Variants in IP6K1 observed in about 807,000 individuals in gnomAD.
IP6K1 encodes the protein ATP:1D-myo-inositol-hexakisphosphate phosphotransferase.
A neutral mutation model predicts 38.3 loss-of-function variants in IP6K1; 13 were observed. That is an observed-to-expected ratio of 0.34 (90% CI 0.22 to 0.54). The LOEUF is 0.54. IP6K1 is among the 20% of genes least tolerant of loss of function. The pLI, the probability that IP6K1 is intolerant of heterozygous loss-of-function variation, is 0.92. For missense variants in IP6K1, 397 were observed against 599.8 expected (o/e 0.66, Z 3.53); for synonymous variants, 212 against 229.9 (o/e 0.92, Z 0.70).
chr3:49,732,184 C>A (rs2080568392), intron 4 of IP6K1, among the ~76,000 whole-genome samples: 1 of 152,112 alleles, frequency 6.6e-6, no homozygotes, highest in Non-Finnish European at 1.5e-5. Context: ...CCTGCCTCAG[C>A]CTCCCAAAGT....
intron 1 of IP6K1, among the ~76,000 whole-genome samples, chr3:49,757,786 T>G (rs1026335534): frequency 1.3e-5 from 2 of 152,144 alleles, no homozygotes; most frequent in African/African-American, 4.8e-5. Context: ...AAAGCTCTTG[T>G]CACTCACGCT....
chr3:49,766,145 C>T (rs2080909656), intron 1 of IP6K1, among the ~76,000 whole-genome samples: 1 of 152,100 alleles, frequency 6.6e-6, no homozygotes, highest in Non-Finnish European at 1.5e-5. Context: ...CACTGCACTC[C>T]AGCTTGGGCT....
chr3:49,770,766 A>G (rs952574614), intron 1 of IP6K1, among the ~76,000 whole-genome samples: 2 of 152,220 alleles, frequency 1.3e-5, no homozygotes, highest in Non-Finnish European at 2.9e-5. Flanking sequence ...AGCAATAACC[A>G]TAACAGAAAT....
chr3:49,760,717 A>C (rs2080861349), intron 1 of IP6K1, among the ~76,000 whole-genome samples: 1 of 151,998 alleles, frequency 6.6e-6, no homozygotes, highest in Non-Finnish European at 1.5e-5. Flanking sequence ...AAATTTCTCC[A>C]AATTTCTCCA....
At chr3:49,764,335 T>C (rs1267304704) in intron 1 of IP6K1, among the ~76,000 whole-genome samples, 2 of 151,772 alleles carry the variant, frequency 1.3e-5, no homozygotes, top group East Asian at 1.9e-4. Context: ...TGCGTTATGA[T>C]TGTACCACTG....
chr3:49,742,545 T>C (rs1317122763), intron 2 of IP6K1, among the ~76,000 whole-genome samples: 2 of 151,128 alleles, frequency 1.3e-5, no homozygotes, highest in African/African-American at 4.9e-5. Context: ...TGAGACTCCA[T>C]CTCAAAAAAG....
At chr3:49,766,389 C>T (rs975842584) in intron 1 of IP6K1, among the ~76,000 whole-genome samples, 1 of 150,864 alleles carries the variant, frequency 6.6e-6, no homozygotes, top group Admixed American at 6.6e-5. Flanking sequence ...AAACGCCAGG[C>T]GCTGTGGCTC....
chr3:49,751,748 T>C (rs1166835940), intron 1 of IP6K1, among the ~76,000 whole-genome samples: 2 of 152,238 alleles, frequency 1.3e-5, no homozygotes, highest in Non-Finnish European at 2.9e-5. Context: ...AATACTTTAG[T>C]TACATATTTT....
intron 2 of IP6K1, among the ~76,000 whole-genome samples, chr3:49,747,013 T>C (rs2108236503): frequency 6.6e-6 from 1 of 152,308 alleles, no homozygotes; most frequent in East Asian, 1.9e-4. Flanking sequence ...GCCACTAAAT[T>C]ATACACTTTA....
intron 4 of IP6K1, among the ~76,000 whole-genome samples, chr3:49,728,778 T>C (rs1444507516): frequency 2.0e-5 from 3 of 152,184 alleles, no homozygotes; most frequent in Admixed American, 1.3e-4. Context: ...GGATTCACCA[T>C]GTTGGCCAGG....
chr3:49,752,525 ATGTGTGTGTG>A (rs372243529), intron 1 of IP6K1, among the ~76,000 whole-genome samples: 3 of 146,168 alleles, frequency 2.1e-5, no homozygotes, highest in Non-Finnish European at 3.0e-5. Flanking sequence ...TCACTTTTGC[ATGTGTGTGTG>A]TGTGTGTGTG....
intron 2 of IP6K1, among the ~76,000 whole-genome samples, chr3:49,744,395 C>T (rs868018052): frequency 2.7e-4 from 25 of 94,100 alleles, no homozygotes; most frequent in Admixed American, 3.2e-4. Flanking sequence ...GAGCGAGACT[C>T]CGTCTCAAAA....
At chr3:49,761,186 G>A (rs1335418206) in intron 1 of IP6K1, among the ~76,000 whole-genome samples, 2 of 151,724 alleles carry the variant, frequency 1.3e-5, no homozygotes, top group Non-Finnish European at 2.9e-5. Flanking sequence ...ATGGTGGTGG[G>A]CGCCTGTAGT....
intron 1 of IP6K1, among the ~76,000 whole-genome samples, chr3:49,772,289 G>T: frequency 6.9e-6 from 1 of 145,142 alleles, no homozygotes. Context: ...ATGTTATATA[G>T]TCTTCCTTTT....
chr3:49,747,670 G>T, intron 2 of IP6K1, 148 bp downstream of exon 2: 1 of 988,000 alleles, frequency 1.0e-6, no homozygotes, highest in Non-Finnish European at 1.5e-6. Flanking sequence ...GATGCTTTCA[G>T]CCTCTAATTT....
intron 1 of IP6K1, among the ~76,000 whole-genome samples, chr3:49,762,221 G>A (rs1005298827): frequency 3.3e-5 from 5 of 152,206 alleles, no homozygotes; most frequent in African/African-American, 1.2e-4. Context: ...CAAAGTGCTG[G>A]GATTACAGGC....
chr3:49,761,855 G>A (rs553237781), intron 1 of IP6K1, among the ~76,000 whole-genome samples: 11 of 151,686 alleles, frequency 7.3e-5, no homozygotes, highest in Non-Finnish European at 1.5e-4. Flanking sequence ...CTGAGGCACC[G>A]AGATTACTTA....
intron 2 of IP6K1, among the ~76,000 whole-genome samples, chr3:49,739,303 CTA>C (rs1450475507): frequency 1.3e-5 from 2 of 150,082 alleles, no homozygotes; most frequent in Non-Finnish European, 3.0e-5. Flanking sequence ...CAGGATCTCC[CTA>C]TGTTTTGTCA....
intron 1 of IP6K1, among the ~76,000 whole-genome samples, chr3:49,777,186 A>G (rs1179066551): frequency 6.6e-6 from 1 of 152,018 alleles, no homozygotes; most frequent in Non-Finnish European, 1.5e-5. Flanking sequence ...CAGTGAGCCA[A>G]GATGGCACCA....
Sources: gnomAD v4.1 joint callset for allele counts (sites outside exome capture counted in the v4.1 genomes callset) on GRCh38, gnomAD v4.1.1 for gene constraint, MANE v1.5 for transcripts, NCBI Gene and HGNC (gene_info 2026-07-23, HGNC 2026-07-21) for gene names.